PTPRG: variants seen among roughly 807,000 people sequenced by gnomAD.
PTPRG encodes protein tyrosine phosphatase receptor type G, also known as receptor-type tyrosine-protein phosphatase gamma.
Under a neutral mutation model 165.3 loss-of-function variants are expected in PTPRG, and 102 were observed. The observed-to-expected ratio is 0.62, with a 90% CI of 0.53 to 0.73. The LOEUF (loss-of-function observed/expected upper bound fraction) is 0.73. Ranked by LOEUF, PTPRG falls within the 30% of genes least tolerant of loss-of-function variation. PTPRG has a pLI of 0.00. For missense variants in PTPRG, 1,866 were observed against 1,861.4 expected (o/e 1.00, Z -0.05); for synonymous variants, 675 against 669.5 (o/e 1.01, Z -0.13).
At chr3:62,256,029 G>C (rs932452554) in intron 16 of PTPRG, among the ~76,000 whole-genome samples, 2 of 152,172 alleles carry the variant, frequency 1.3e-5, no homozygotes, top group Admixed American at 6.5e-5. Context: ...AGCAAGAGTT[G>C]TGTCGAGGAG....
At chr3:61,698,252 G>T (rs1052219279) in intron 1 of PTPRG, among the ~76,000 whole-genome samples, 2 of 152,050 alleles carry the variant, frequency 1.3e-5, no homozygotes, top group African/African-American at 4.8e-5. Flanking sequence ...AGTCTCCATG[G>T]CACATAAGAG....
At chr3:62,129,294 GT>G (rs1490218585) in intron 5 of PTPRG, among the ~76,000 whole-genome samples, 1 of 152,084 alleles carries the variant, frequency 6.6e-6, no homozygotes, top group African/African-American at 2.4e-5. Flanking sequence ...GTGTGTATCA[GT>G]CATGGAAGAT....
intron 4 of PTPRG, among the ~76,000 whole-genome samples, chr3:62,038,732 C>T (rs921028701): frequency 6.6e-6 from 1 of 152,118 alleles, no homozygotes; most frequent in Non-Finnish European, 1.5e-5. Context: ...TGTTACAGCC[C>T]ACCCAAATGA....
chr3:61,642,015 G>A (rs1316481097), intron 1 of PTPRG, among the ~76,000 whole-genome samples: 1 of 152,188 alleles, frequency 6.6e-6, no homozygotes, highest in Non-Finnish European at 1.5e-5. Flanking sequence ...GAGAAACCTG[G>A]TGCCGTTGCC....
intron 2 of PTPRG, among the ~76,000 whole-genome samples, chr3:61,752,459 G>A (rs557558571): frequency 1.1e-4 from 16 of 151,946 alleles, no homozygotes; most frequent in Non-Finnish European, 2.2e-4. Context: ...TCTAGTAATG[G>A]TGAAAAGCCT....
In PTPRG at chr3:61,946,180, A is replaced by G. The variant is rs375775804; in HGVS notation, c.191-43445A>G. On this transcript the variant is annotated intron_variant, in intron 2 of 29. Transcript: ENST00000474889. ...TTGTGTCTTCCTCATACAATCCCAA[A>G]GTCAACTTCACCTTCCCTAGCAATA... is the stretch of plus-strand genomic sequence containing the variant. Among the ~76,000 whole-genome samples the G allele has an allele frequency of 1.3e-4, 20 of 152,334 alleles. 2 individuals carry two copies. In the South Asian group the frequency reaches 3.7e-3, roughly 28 times the overall value.
rs560732039 is a variant in PTPRG, at chr3:62,213,625, C to T, written c.2156-5226C>T. Among the ~76,000 whole-genome samples the T allele has an allele frequency of 2.6e-5, 4 of 152,246 alleles. No homozygotes were observed. Among genetic ancestry groups the T allele is most frequent in the African/African-American group, 9.6e-5 (4 of 41,546 alleles). ...GGAAAGGCCTAAGTCAAAATTTGTA[C>T]TCAGGTCTGCCTGAGTCTGGGGTGC... is the stretch of plus-strand genomic sequence containing the variant. On this transcript the variant is annotated intron_variant, in intron 12 of 29. Coordinates refer to ENST00000474889, the MANE Select transcript of PTPRG (RefSeq NM_002841.4). The surrounding 1 kb of genome is among the most constrained non-coding windows in gnomAD (Gnocchi z 4.4).
chr3:61,887,706 G>A (rs1160909994), intron 2 of PTPRG, among the ~76,000 whole-genome samples: 1 of 136,552 alleles, frequency 7.3e-6, no homozygotes, highest in African/African-American at 3.1e-5. Flanking sequence ...ATGGATGATG[G>A]CTTTCAGTAA....
intron 2 of PTPRG, among the ~76,000 whole-genome samples, chr3:61,817,174 T>C (rs1368512086): frequency 8.3e-6 from 1 of 120,782 alleles, no homozygotes; most frequent in African/African-American, 3.3e-5. Flanking sequence ...TATATAATAA[T>C]ATATAATATA....
At chr3:61,936,483 G>C (rs2039488045) in intron 2 of PTPRG, among the ~76,000 whole-genome samples, 1 of 152,118 alleles carries the variant, frequency 6.6e-6, no homozygotes, top group South Asian at 2.1e-4. Flanking sequence ...AGTTTACTGT[G>C]CATCAAATAA....
chr3:61,937,155 C>T (rs1224490148), intron 2 of PTPRG, among the ~76,000 whole-genome samples: 1 of 152,196 alleles, frequency 6.6e-6, no homozygotes. Context: ...TTGCTAAAGT[C>T]TTTCCTTGAA....
intron 5 of PTPRG, among the ~76,000 whole-genome samples, chr3:62,120,422 C>A (rs1703022223): frequency 6.6e-6 from 1 of 152,180 alleles, no homozygotes; most frequent in African/African-American, 2.4e-5. Flanking sequence ...GGGATTTAGT[C>A]TGCTGGATGG....
chr3:61,627,704 C>T (rs1162484063), intron 1 of PTPRG, among the ~76,000 whole-genome samples: 4 of 152,052 alleles, frequency 2.6e-5, no homozygotes, highest in African/African-American at 9.7e-5. Flanking sequence ...TTTTAGAATG[C>T]TTTTGTAGGA....
intron 2 of PTPRG, among the ~76,000 whole-genome samples, chr3:61,787,149 G>A (rs1268458464): frequency 6.6e-6 from 1 of 151,930 alleles, no homozygotes; most frequent in Admixed American, 6.6e-5. Context: ...TTAATATTTC[G>A]TTGAGTTGAA....
rs1432829153 is a variant in PTPRG, at chr3:62,240,182, T to C, written c.2376-3625T>C. On this transcript the variant is annotated intron_variant, in intron 14 of 29. Transcript: ENST00000474889. The surrounding 1 kb of genome is among the most constrained non-coding windows in gnomAD (Gnocchi z 5.1). ...GCATATAGAATGATCTCATTTCGTT[T>C]TTTAAAAATAAAACCCCCATGTAGT... Among the ~76,000 whole-genome samples, 1 of 152,184 alleles carries C rather than the reference T, an allele frequency of 6.6e-6. No individual in the cohort carries two copies. Among genetic ancestry groups the C allele is most frequent in the South Asian group, 2.1e-4 (1 of 4,832 alleles).
intron 8 of PTPRG, 140 bp downstream of exon 8, chr3:62,168,303 G>T: frequency 1.2e-6 from 1 of 829,974 alleles, no homozygotes; most frequent in Admixed American, 3.0e-5. Flanking sequence ...AGCCTGTCTG[G>T]CTGAAAAATA....
At chr3:61,580,986 T>C (rs1467657491) in intron 1 of PTPRG, among the ~76,000 whole-genome samples, 1 of 152,234 alleles carries the variant, frequency 6.6e-6, no homozygotes, top group East Asian at 1.9e-4. Flanking sequence ...ATTGGCATGT[T>C]AGTCCTAGAG....
chr3:61,599,858 T>TAATAG lies in PTPRG; in HGVS notation c.85+37500_85+37504dup, dbSNP rs536461999. Among the ~76,000 whole-genome samples the TAATAG allele has an allele frequency of 6.8e-3, 1,042 of 152,144 alleles. 2 individuals carry two copies. Among genetic ancestry groups the TAATAG allele is most frequent in the Non-Finnish European group, 0.011 (767 of 68,000 alleles). On this transcript the variant is annotated intron_variant, in intron 1 of 29. Coordinates refer to ENST00000474889, the MANE Select transcript of PTPRG (RefSeq NM_002841.4). The stretch of plus-strand genomic sequence containing the variant: ...GTTTCTGAAAGTTGTAAAGGCTTTA[T>TAATAG]AATAGAATAGAATAGAATGGCTGGG...
At chr3:62,287,229 A>C (rs565214405) in intron 28 of PTPRG, among the ~76,000 whole-genome samples, 2 of 152,204 alleles carry the variant, frequency 1.3e-5, no homozygotes, top group Non-Finnish European at 2.9e-5. Flanking sequence ...AGATTAAACA[A>C]ATGTTAAATT....
Sources: gnomAD v4.1 joint callset for allele counts (sites outside exome capture counted in the v4.1 genomes callset) on GRCh38, gnomAD v4.1.1 for gene constraint, Gnocchi (gnomAD v3.1) non-coding constraint, MANE v1.5 for transcripts, NCBI Gene and HGNC (gene_info 2026-07-23, HGNC 2026-07-21) for gene names.